HAVCR2: variants seen among roughly 807,000 people sequenced by gnomAD.
HAVCR2 encodes the protein hepatitis A virus cellular receptor 2.
In HAVCR2, 13 loss-of-function variants were observed where a neutral mutation model predicts 24.7. That is an observed-to-expected ratio of 0.53 (90% CI 0.34 to 0.84). The LOEUF (loss-of-function observed/expected upper bound fraction) is 0.84, where lower values mean the gene tolerates loss of function less well. Ranked by LOEUF, HAVCR2 falls within the 40% of genes least tolerant of loss-of-function variation. The probability of loss-of-function intolerance (pLI) is 0.01; values close to 1 mark genes in which losing one functional copy is unlikely to be tolerated. For synonymous variants in HAVCR2, 154 were observed against 143.4 expected, an observed-to-expected ratio of 1.07 and a Z score of -0.53; for missense variants, 343 against 371.2, an observed-to-expected ratio of 0.92 and a Z score of 0.62.
At chr5:157,104,786 G>T in intron 2 of HAVCR2, 37 bp from the exon 3 acceptor site, 1 of 1,423,696 alleles carries the variant, frequency 7.0e-7, no homozygotes, top group South Asian at 1.2e-5. Flanking sequence ...AAAATTATCT[G>T]AGAGCAGAAA....
At position 157,086,276 on chromosome 5, in the gene HAVCR2, C is replaced by G. The variant is rs920752396; in HGVS notation, c.*826G>C. On this transcript the variant is annotated 3_prime_UTR_variant, in exon 7 of 7. Coordinates refer to ENST00000307851, the MANE Select transcript of HAVCR2 (RefSeq NM_032782.5). ...GGCACTGACAGTTGGGCAGGCAGTGCTCAAATAAGCCTAAATCTCAACATT... is the reference window on the plus strand; with the variant it reads ...GGCACTGACAGTTGGGCAGGCAGTGGTCAAATAAGCCTAAATCTCAACATT... 6.6e-6 allele frequency: 1 copy of G among 152,216 alleles called. No homozygotes were observed. The highest frequency in any genetic ancestry group is 6.6e-5 in the Admixed American group (1 of 15,260). The allele number at this position is 152,216 out of a possible 1,614,324, so 9.4% of individuals were successfully genotyped here.
intron 3 of HAVCR2, among the ~76,000 whole-genome samples, chr5:157,103,882 C>T (rs1757207144): frequency 1.3e-5 from 2 of 152,172 alleles, no homozygotes; most frequent in Non-Finnish European, 1.5e-5. Context: ...CACTGTGCCT[C>T]CTGATCTTAT....
chr5:157,102,540 A>G (rs549396710), intron 3 of HAVCR2, among the ~76,000 whole-genome samples: 11 of 152,164 alleles, frequency 7.2e-5, no homozygotes, highest in African/African-American at 2.2e-4. Context: ...GGTTGTTTCA[A>G]TATTTTTTCT....
chr5:157,100,659 G>A (rs186991314), intron 3 of HAVCR2, among the ~76,000 whole-genome samples: 218 of 152,314 alleles, frequency 1.4e-3, no homozygotes, highest in Non-Finnish European at 2.4e-3. Flanking sequence ...AAGCCTTAAT[G>A]TGTATAAAGG....
intron 1 of HAVCR2, 79 bp downstream of exon 1, chr5:157,108,847 C>T (rs966975096): frequency 1.0e-5 from 14 of 1,386,964 alleles, no homozygotes; most frequent in Non-Finnish European, 1.3e-5. Flanking sequence ...AACAACATTA[C>T]AATGGCCATC....
chr5:157,095,116 G>A (rs978823977), intron 5 of HAVCR2, among the ~76,000 whole-genome samples, 190 bp downstream of exon 5: 2 of 152,068 alleles, frequency 1.3e-5, no homozygotes, highest in African/African-American at 2.4e-5. Flanking sequence ...AACATTTAAC[G>A]CAGTGGCTGC....
chr5:157,095,347 CCAGCA>C lies in HAVCR2; in HGVS notation c.630_634del (p.Cys210TrpfsTer19). 1 of 1,614,058 alleles carries C rather than the reference CCAGCA, an allele frequency of 6.2e-7. No individual in the cohort carries two copies. ...GCCGAAGATAAGAGCCAGAGCCAGC[CCAGCA>C]CAGATCCCTGCTCCGATGTAGATGC... On this transcript the variant is annotated frameshift_variant, in exon 5 of 7. Transcript: ENST00000307851. LOFTEE classifies it high-confidence loss of function.
In HAVCR2 at chr5:157,098,868, A is replaced by G. The variant is rs73815925; in HGVS notation, c.512T>C (p.Ile171Thr). The G allele has an allele frequency of 9.7e-4, 1,569 of 1,613,236 alleles. 12 individuals are homozygous for G. The African/African-American group carries it at 0.019, about 19-fold the overall frequency. Residue 171 changes from isoleucine (I) to threonine (T), a missense_variant, in exon 4 of 7, where the codon ATA (isoleucine) becomes ACA (threonine). Physicochemically the swap from Ile to Thr is moderately conservative, Grantham distance 89 (BLOSUM62 -1). Coordinates refer to ENST00000307851, the MANE Select transcript of HAVCR2 (RefSeq NM_032782.5). ...ETQTLGSLPD[I>T]NLTQISTLAN... ...AAAAAAGTTACTTACTGTTAGATTT[A>G]TATCAGGGAGGCTCCCCAGTGTCTG...
chr5:157,088,946 A>G lies in HAVCR2; in HGVS notation c.708T>C (p.Asn236=). ...CCCCATTCCATTATTCTTACCTTAA[A>G]TTCTGTATCTTCTCTTTGCTATGAG... ...WYSHSKEKIQ[N]LSLISLANLP... The change falls in exon 6 of 7, where the codon AAT becomes AAC. Residue 236 remains asparagine, a synonymous_variant. Coordinates refer to ENST00000307851, the MANE Select transcript of HAVCR2 (RefSeq NM_032782.5). 1 of 1,609,982 alleles carries G rather than the reference A, an allele frequency of 6.2e-7. No homozygotes were observed. The highest frequency in any genetic ancestry group is 8.5e-7 in the Non-Finnish European group (1 of 1,177,940).
rs1561624488 is a variant in HAVCR2, at chr5:157,106,798, C to T, written c.223G>A (p.Val75Met). The change falls in exon 2 of 7, where the codon GTG (valine) becomes ATG (methionine). Residue 75 changes from valine to methionine, a missense_variant. Val to Met is a conservative substitution (Grantham distance 21). Coordinates refer to ENST00000307851, the MANE Select transcript of HAVCR2 (RefSeq NM_032782.5). ...NVVLRTDERD[V>M]NYWTSRYWLN... Reference sequence around the variant, plus strand: ...CAGTATCTGGATGTCCAATAATTCACATCCCTTTCATCAGTCCTGAGCACC... The same window carrying T: ...CAGTATCTGGATGTCCAATAATTCATATCCCTTTCATCAGTCCTGAGCACC... The T allele has an allele frequency of 6.2e-7, 1 of 1,614,224 alleles. No homozygotes were observed. The highest frequency in any genetic ancestry group is 1.7e-5 in the Admixed American group (1 of 60,018).
chr5:157,098,981 T>C, intron 3 of HAVCR2, 80 bp from the exon 4 acceptor site: 4 of 1,260,474 alleles, frequency 3.2e-6, no homozygotes, highest in Non-Finnish European at 4.4e-6. Flanking sequence ...ATCTAAGTTT[T>C]TAAAAAATCT....
intron 3 of HAVCR2, among the ~76,000 whole-genome samples, chr5:157,100,353 T>A (rs1757150711): frequency 1.3e-5 from 2 of 152,182 alleles, no homozygotes; most frequent in Admixed American, 6.6e-5. Flanking sequence ...AGCCCTTACC[T>A]CAGTGCTGTC....
At chr5:157,090,128 T>C (rs1334114074) in intron 5 of HAVCR2, among the ~76,000 whole-genome samples, 12 of 116,872 alleles carry the variant, frequency 1.0e-4, no homozygotes, top group Non-Finnish European at 2.1e-4. Context: ...TTTTCTTTTT[T>C]TTTTTTTTTT....
chr5:157,101,141 A>G (rs1394771006), intron 3 of HAVCR2, among the ~76,000 whole-genome samples: 1 of 152,204 alleles, frequency 6.6e-6, no homozygotes, highest in African/African-American at 2.4e-5. Context: ...CTAAGTAAAC[A>G]TGAATCTTAA....
chr5:157,088,661 C>T (rs1756950470), intron 6 of HAVCR2, among the ~76,000 whole-genome samples: 1 of 152,170 alleles, frequency 6.6e-6, no homozygotes, highest in South Asian at 2.1e-4. Flanking sequence ...TGTTTCAGTT[C>T]AGTGGAAAAA....
At position 157,098,849 on chromosome 5, in the gene HAVCR2, G is replaced by A; in HGVS notation, c.522+9C>T. The A allele has an allele frequency of 6.2e-7, 1 of 1,611,620 alleles. No homozygotes were observed. Among genetic ancestry groups the A allele is most frequent in the East Asian group, 2.2e-5 (1 of 44,802 alleles). Reference sequence around the variant, plus strand: ...GAGTACAACATAGCTCACAAAAAAAGTTACTTACTGTTAGATTTATATCAG... The same window carrying A: ...GAGTACAACATAGCTCACAAAAAAAATTACTTACTGTTAGATTTATATCAG... On this transcript the variant is annotated intron_variant, in intron 4 of 6. Transcript: ENST00000307851.
At chr5:157,096,790 T>A (rs1333200944) in intron 4 of HAVCR2, among the ~76,000 whole-genome samples, 2 of 151,408 alleles carry the variant, frequency 1.3e-5, no homozygotes, top group East Asian at 3.9e-4. Context: ...AAATAAATAA[T>A]AAATTAATAA....
In HAVCR2 at chr5:157,104,695, CT is replaced by C; in HGVS notation, c.448del (p.Arg150GlyfsTer22). The C allele has an allele frequency of 6.2e-7, 1 of 1,604,740 alleles. No individual in the cohort carries two copies. The highest frequency in any genetic ancestry group is 8.5e-7 in the Non-Finnish European group (1 of 1,175,078). On this transcript the variant is annotated frameshift_variant, in exon 3 of 7. Coordinates refer to ENST00000307851, the MANE Select transcript of HAVCR2 (RefSeq NM_032782.5). LOFTEE classifies it high-confidence loss of function. ...RQRDFTAAFPRMLTTRGHGPA... is the reference protein window; with the variant it reads ...RQRDFTAAFPXMLTTRGHGPA... ...GCCATGTCCCCTGGTGGTAAGCATC[CT>C]TGGAAAGGCTGCAGTGAAGTCTCTC...
At chr5:157,108,514 G>T (rs1426802900) in intron 1 of HAVCR2, among the ~76,000 whole-genome samples, 1 of 151,110 alleles carries the variant, frequency 6.6e-6, no homozygotes, top group East Asian at 1.9e-4. Context: ...AGAAAGAAAA[G>T]AAAAAGAAAA....
Sources: allele counts gnomAD v4.1 joint callset (sites outside exome capture counted in the v4.1 genomes callset), GRCh38; gene constraint gnomAD v4.1.1; transcripts MANE v1.5; gene names NCBI Gene and HGNC (gene_info 2026-07-23, HGNC 2026-07-21).